The following RER1 variants were observed in gnomAD, a reference collection of about 807,000 sequenced individuals.
The protein encoded by RER1 is retention in endoplasmic reticulum sorting receptor 1.
In RER1, 6 loss-of-function variants were observed where a neutral mutation model predicts 28.3. That is an observed-to-expected ratio of 0.21 (90% CI 0.12 to 0.42). The LOEUF is 0.42. Ranked by LOEUF, RER1 falls within the 10% of genes least tolerant of loss-of-function variation. RER1 has a pLI of 1.00. For synonymous variants in RER1, 110 were observed against 95.9 expected (o/e 1.15, Z -0.86); for missense variants, 159 against 252.9 (o/e 0.63, Z 2.52).
chr1:2,405,328 CT>C lies in RER1; in HGVS notation c.*2205del, dbSNP rs1642963185. ...GCACTGGCTGAAGCAACCCGCCAGC[CT>C]CCGTGCCCCACCCCACCCAGCACGC... On this transcript the variant is annotated 3_prime_UTR_variant, in exon 7 of 7. Coordinates refer to ENST00000605895, the MANE Select transcript of RER1 (RefSeq NM_007033.5). 1 of 331,746 alleles carries C rather than the reference CT, an allele frequency of 3.0e-6. No individual in the cohort carries two copies. The highest frequency in any genetic ancestry group is 5.9e-6 in the Non-Finnish European group (1 of 170,782). The allele number at this position is 331,746 out of a possible 1,614,324, so 20.6% of individuals were successfully genotyped here.
At chr1:2,398,915 G>A (rs1239622086) in intron 3 of RER1, among the ~76,000 whole-genome samples, 2 of 152,194 alleles carry the variant, frequency 1.3e-5, no homozygotes, top group Non-Finnish European at 2.9e-5. Context: ...CTGGCAGAGT[G>A]TTTTTGGCAA....
At chr1:2,401,359 CCT>C (rs1557903916) in intron 5 of RER1, among the ~76,000 whole-genome samples, 1 of 19,134 alleles carries the variant, frequency 5.2e-5, no homozygotes, top group Non-Finnish European at 1.3e-4. Context: ...CTTCCTCCCT[CCT>C]CCTCCCTCCT....
intron 5 of RER1, among the ~76,000 whole-genome samples, chr1:2,401,296 CCTTCCTGCCGCCTCCTCCCTCCTTCCTG>C (rs1642850644): frequency 9.6e-6 from 1 of 103,826 alleles, no homozygotes; most frequent in Non-Finnish European, 2.0e-5. Flanking sequence ...CTTCCTCCCT[CCTTCCTGCCGCCTCCTCCCTCCTTCCTG>C]CCTCCTCCTC....
intron 4 of RER1, among the ~76,000 whole-genome samples, chr1:2,400,218 A>G (rs868287407): frequency 8.5e-5 from 13 of 152,186 alleles, no homozygotes; most frequent in Middle Eastern, 6.3e-3. Flanking sequence ...TTCTGGGGGA[A>G]CCTGCTGTCA....
In RER1 at chr1:2,399,529, G is replaced by C; in HGVS notation, c.286+15G>C. 1.3e-6 allele frequency: 2 copies of C among 1,533,632 alleles called. No individual in the cohort carries two copies. The highest frequency in any genetic ancestry group is 1.8e-6 in the Non-Finnish European group (2 of 1,106,618). On this transcript the variant is annotated intron_variant, in intron 4 of 6. Transcript: ENST00000605895. Reference sequence around the variant, plus strand: ...GGAAGACTCAGGTAGGGTAGCGGCTGTGCACTGGGCTGTGTGGGCAGGTTG... The same window carrying C: ...GGAAGACTCAGGTAGGGTAGCGGCTCTGCACTGGGCTGTGTGGGCAGGTTG...
intron 1 of RER1, chr1:2,395,579 A>G (rs1265204060): frequency 1.6e-5 from 9 of 563,740 alleles, no homozygotes; most frequent in Non-Finnish European, 2.2e-5. Flanking sequence ...TCCTGGGCCC[A>G]TGCGTCTCAC....
intron 5 of RER1, among the ~76,000 whole-genome samples, chr1:2,401,164 G>A (rs1016142228): frequency 2.6e-5 from 4 of 151,282 alleles, no homozygotes; most frequent in Non-Finnish European, 5.9e-5. Flanking sequence ...AGTGCGCACC[G>A]GCTTCTGTGG....
chr1:2,401,014 A>G (rs963172578), intron 5 of RER1, 79 bp downstream of exon 5: 6 of 1,248,310 alleles, frequency 4.8e-6, no homozygotes, highest in Non-Finnish European at 5.9e-6. Flanking sequence ...ATTTTTGTTC[A>G]AGTCACCTGA....
At position 2,403,763 on chromosome 1, in the gene RER1, T is replaced by C. The variant is rs1642911723; in HGVS notation, c.*639T>C. On this transcript the variant is annotated 3_prime_UTR_variant, in exon 7 of 7. Coordinates refer to ENST00000605895, the MANE Select transcript of RER1 (RefSeq NM_007033.5). ...ATATTATATTTTAATTGTTTGAGATTATTTTGACACATTTCTTTGATACGT... is the reference window on the plus strand; with the variant it reads ...ATATTATATTTTAATTGTTTGAGATCATTTTGACACATTTCTTTGATACGT... The C allele has an allele frequency of 6.6e-6, 1 of 152,558 alleles. No homozygotes were observed. The highest frequency in any genetic ancestry group is 2.4e-5 in the African/African-American group (1 of 41,414). The allele number at this position is 152,558 out of a possible 1,614,324, so 9.5% of individuals were successfully genotyped here. A position where few individuals can be genotyped will look rare whatever the true frequency, so the allele number is the denominator to read the frequency against.
chr1:2,401,020 C>T, intron 5 of RER1, 85 bp downstream of exon 5: 5 of 1,168,152 alleles, frequency 4.3e-6, no homozygotes, highest in Non-Finnish European at 3.9e-6. Flanking sequence ...GTTCAAGTCA[C>T]CTGAAAGATG....
At position 2,403,049 on chromosome 1, in the gene RER1, C is replaced by T. The variant is rs745652341; in HGVS notation, c.516C>T (p.Tyr172=). 6.8e-6 allele frequency: 11 copies of T among 1,613,484 alleles called. No individual in the cohort carries two copies. In the Admixed American group the frequency reaches 1.3e-4, roughly 20 times the overall value. ...TCTCTCCCCAGCACATGATTAAGTA[C>T]CGGTACATCCCGTTCACACATGGGA... ...MKRQIKHMIK[Y]RYIPFTHGKR... Residue 172 remains tyrosine, a synonymous_variant, in exon 7 of 7, where the codon TAC becomes TAT. Coordinates refer to ENST00000605895, the MANE Select transcript of RER1 (RefSeq NM_007033.5).
chr1:2,393,716 G>A (rs1408258479), intron 1 of RER1, among the ~76,000 whole-genome samples: 1 of 152,242 alleles, frequency 6.6e-6, no homozygotes, highest in African/African-American at 2.4e-5. Context: ...TCTGAAAGCA[G>A]GCTGTTGGAG....
At chr1:2,398,500 T>C (rs961305002) in intron 3 of RER1, among the ~76,000 whole-genome samples, 1 of 152,242 alleles carries the variant, frequency 6.6e-6, no homozygotes, top group Admixed American at 6.5e-5. Flanking sequence ...GTGATTCTCT[T>C]ACTTCAGCTT....
intron 1 of RER1, 162 bp from the exon 2 acceptor site, chr1:2,395,622 C>T: frequency 1.6e-6 from 1 of 627,454 alleles, no homozygotes; most frequent in Non-Finnish European, 2.9e-6. Flanking sequence ...GCCTGTGTAC[C>T]TGCTACTTTT....
intron 1 of RER1, chr1:2,394,980 G>A (rs910767794): frequency 1.3e-5 from 2 of 152,406 alleles, no homozygotes; most frequent in Non-Finnish European, 2.9e-5. Context: ...GTGCTCAGCT[G>A]AGGAGCCAGG....
chr1:2,392,983 T>C (rs1484045939), intron 1 of RER1, among the ~76,000 whole-genome samples: 4 of 4,696 alleles, frequency 8.5e-4, no homozygotes, highest in African/African-American at 2.7e-3. Flanking sequence ...CCCGGAGGAA[T>C]TGGGGATGGG....
At chr1:2,399,045 C>T (rs1642808347) in intron 3 of RER1, among the ~76,000 whole-genome samples, 1 of 152,180 alleles carries the variant, frequency 6.6e-6, no homozygotes, top group Non-Finnish European at 1.5e-5. Context: ...CGCTCAGGTG[C>T]CCGGGCCACC....
chr1:2,399,531 G>A lies in RER1; in HGVS notation c.286+17G>A, dbSNP rs768031094. ...AAGACTCAGGTAGGGTAGCGGCTGT[G>A]CACTGGGCTGTGTGGGCAGGTTGGG... On this transcript the variant is annotated intron_variant, in intron 4 of 6. Transcript: ENST00000605895. The A allele has an allele frequency of 1.3e-6, 2 of 1,521,012 alleles. No individual in the cohort carries two copies. Among genetic ancestry groups the A allele is most frequent in the Non-Finnish European group, 1.8e-6 (2 of 1,095,092 alleles). The allele number at this position is 1,521,012 out of a possible 1,614,324, so 94.2% of individuals were successfully genotyped here.
At chr1:2,400,432 CG>C (rs1642828964) in intron 4 of RER1, among the ~76,000 whole-genome samples, 1 of 152,208 alleles carries the variant, frequency 6.6e-6, no homozygotes, top group Admixed American at 6.5e-5. Flanking sequence ...GTGGGGGAGG[CG>C]GGGTGAGAGT....
Sources: allele counts gnomAD v4.1 joint callset (sites outside exome capture counted in the v4.1 genomes callset), GRCh38; gene constraint gnomAD v4.1.1; transcripts MANE v1.5; gene names NCBI Gene and HGNC (gene_info 2026-07-23, HGNC 2026-07-21).